The following ANKS1B variants were observed in gnomAD, a reference collection of about 807,000 sequenced individuals.
ANKS1B encodes ankyrin repeat and sterile alpha motif domain containing 1B.
A neutral mutation model predicts 148.3 loss-of-function variants in ANKS1B; 36 were observed. The observed-to-expected ratio is 0.24, with a 90% CI of 0.19 to 0.32. The LOEUF is 0.32. Ranked by LOEUF, ANKS1B falls within the 10% of genes least tolerant of loss-of-function variation. The probability of loss-of-function intolerance (pLI) is 1.00; values close to 1 mark genes in which losing one functional copy is unlikely to be tolerated. For missense variants in ANKS1B, 1,157 were observed against 1,542.6 expected (o/e 0.75, Z 4.19); for synonymous variants, 542 against 560.8 (o/e 0.97, Z 0.47).
intron 14 of ANKS1B, among the ~76,000 whole-genome samples, chr12:99,227,779 T>C (rs1222537301): frequency 6.6e-6 from 1 of 152,170 alleles, no homozygotes; most frequent in Non-Finnish European, 1.5e-5. Flanking sequence ...CAGCTAGTCA[T>C]GTAAGTCTCC....
chr12:99,442,078 C>T (rs566689961), intron 11 of ANKS1B, among the ~76,000 whole-genome samples: 31 of 151,812 alleles, frequency 2.0e-4, no homozygotes, highest in African/African-American at 7.5e-4. Context: ...ACACATTAAC[C>T]CCAGAAACAC....
At chr12:99,184,923 A>T (rs1343903223) in intron 14 of ANKS1B, among the ~76,000 whole-genome samples, 1 of 152,260 alleles carries the variant, frequency 6.6e-6, no homozygotes, top group Non-Finnish European at 1.5e-5. Flanking sequence ...AATTCTTAGC[A>T]CAGTAGTTAG....
intron 9 of ANKS1B, among the ~76,000 whole-genome samples, chr12:99,508,885 T>TA (rs1030703916): frequency 1.4e-4 from 22 of 152,014 alleles, no homozygotes; most frequent in Non-Finnish European, 1.3e-4. Flanking sequence ...ATTGCATTTT[T>TA]AAAAAAATAA....
At chr12:99,159,517 T>C (rs1470767563) in intron 14 of ANKS1B, among the ~76,000 whole-genome samples, 2 of 152,202 alleles carry the variant, frequency 1.3e-5, no homozygotes, top group African/African-American at 4.8e-5. Context: ...CTTAGAATAA[T>C]GGTCTCCAGC....
At chr12:98,792,292 T>C (rs1300675274) in intron 22 of ANKS1B, among the ~76,000 whole-genome samples, 10 of 152,232 alleles carry the variant, frequency 6.6e-5, no homozygotes, top group Non-Finnish European at 8.8e-5. Flanking sequence ...TATTTCTTTT[T>C]TGGGGAGGAT....
At chr12:99,386,311 G>C (rs2093856367) in intron 12 of ANKS1B, 1 of 152,170 alleles carries the variant, frequency 6.6e-6, no homozygotes, top group South Asian at 2.1e-4. Flanking sequence ...CGCATTGTTA[G>C]ATGTTAGAAT....
In ANKS1B at chr12:99,684,264, A is replaced by G. The variant is rs772406927; in HGVS notation, c.1129-29054T>C. Reference sequence around the variant, plus strand: ...ACTGAAAAAATGAATTCAGCAAAGGATCAAGTGACAAAATCAATATATACA... The same window carrying G: ...ACTGAAAAAATGAATTCAGCAAAGGGTCAAGTGACAAAATCAATATATACA... On this transcript the variant is annotated intron_variant, in intron 8 of 26. Coordinates refer to ENST00000683438, the MANE Select transcript of ANKS1B (RefSeq NM_001352186.2). Among the ~76,000 whole-genome samples, 10 of 152,002 alleles carry G rather than the reference A, an allele frequency of 6.6e-5. No individual in the cohort carries two copies. In the Middle Eastern group the frequency reaches 0.01, roughly 155 times the overall value.
At chr12:99,542,445 G>A (rs1018396659) in intron 9 of ANKS1B, among the ~76,000 whole-genome samples, 12 of 152,036 alleles carry the variant, frequency 7.9e-5, no homozygotes, top group East Asian at 1.9e-4. Context: ...ATGGTCATGG[G>A]TTAGAAGACA....
intron 1 of ANKS1B, among the ~76,000 whole-genome samples, chr12:99,889,347 T>C (rs922976208): frequency 6.6e-5 from 10 of 152,230 alleles, no homozygotes; most frequent in Non-Finnish European, 1.5e-4. Flanking sequence ...GGAGCTGACC[T>C]TGGGCTTTTA....
intron 1 of ANKS1B, among the ~76,000 whole-genome samples, chr12:99,877,966 T>C (rs1372404624): frequency 2.0e-5 from 3 of 152,032 alleles, no homozygotes; most frequent in Non-Finnish European, 4.4e-5. Flanking sequence ...AGGCTGAGGC[T>C]GGACAGTCAT....
chr12:99,474,058 G>GT (rs1243427170), intron 10 of ANKS1B, among the ~76,000 whole-genome samples: 1 of 152,076 alleles, frequency 6.6e-6, no homozygotes. Flanking sequence ...AGAAGAGTGA[G>GT]TTAAGTTCTA....
At chr12:99,322,929 C>T (rs2085580999) in intron 12 of ANKS1B, among the ~76,000 whole-genome samples, 1 of 152,146 alleles carries the variant, frequency 6.6e-6, no homozygotes, top group Non-Finnish European at 1.5e-5. Context: ...CTCTTGCCTG[C>T]CACCATGTAA....
At chr12:99,232,598 A>T (rs1388141002) in intron 14 of ANKS1B, among the ~76,000 whole-genome samples, 6 of 152,190 alleles carry the variant, frequency 3.9e-5, no homozygotes, top group African/African-American at 1.2e-4. Flanking sequence ...ATTCAACCTG[A>T]TTCTTAGAAA....
chr12:99,516,198 G>A (rs2096819102), intron 9 of ANKS1B, among the ~76,000 whole-genome samples: 1 of 152,024 alleles, frequency 6.6e-6, no homozygotes. Context: ...GCCTGTGCTT[G>A]AGGGGTATTA....
At chr12:98,948,711 A>G (rs1025123171) in intron 17 of ANKS1B, among the ~76,000 whole-genome samples, 6 of 151,362 alleles carry the variant, frequency 4.0e-5, no homozygotes, top group African/African-American at 1.2e-4. Context: ...ATGAGGTAGG[A>G]ATAATTATGC....
intron 15 of ANKS1B, among the ~76,000 whole-genome samples, chr12:99,122,836 G>C (rs1167386165): frequency 7.2e-5 from 11 of 151,998 alleles, no homozygotes; most frequent in African/African-American, 2.7e-4. Flanking sequence ...AGCCAAGGTA[G>C]AGGGTTCAAA....
intron 9 of ANKS1B, among the ~76,000 whole-genome samples, chr12:99,518,835 T>C (rs1176374291): frequency 1.3e-5 from 2 of 152,114 alleles, no homozygotes; most frequent in Admixed American, 6.5e-5. Context: ...ATTTGAAGTG[T>C]TTCTTCCTTT....
chr12:98,827,689 T>A (rs1357146485), intron 19 of ANKS1B, among the ~76,000 whole-genome samples: 1 of 152,150 alleles, frequency 6.6e-6, no homozygotes, highest in East Asian at 1.9e-4. Context: ...ATGGAGAAAT[T>A]TCATAAATTA....
intron 17 of ANKS1B, among the ~76,000 whole-genome samples, chr12:98,871,653 T>C (rs892112374): frequency 1.3e-5 from 2 of 152,176 alleles, no homozygotes; most frequent in African/African-American, 4.8e-5. Flanking sequence ...TATTTTTCCA[T>C]AGAAGATATT....
Sources: allele counts gnomAD v4.1 joint callset (sites outside exome capture counted in the v4.1 genomes callset), GRCh38; gene constraint gnomAD v4.1.1; transcripts MANE v1.5; gene names NCBI Gene and HGNC (gene_info 2026-07-23, HGNC 2026-07-21).